Variants in PLCL1 observed in about 807,000 individuals in gnomAD.
PLCL1 encodes inactive phospholipase C-like protein 1.
A neutral mutation model predicts 84.4 loss-of-function variants in PLCL1; 41 were observed. The ratio of observed to expected loss-of-function variants is 0.49; its 90% confidence interval spans 0.38 to 0.63. The LOEUF (loss-of-function observed/expected upper bound fraction) is 0.63, where lower values mean the gene tolerates loss of function less well. PLCL1 is among the 30% of genes least tolerant of loss of function. The probability of loss-of-function intolerance (pLI) is 0.00; values close to 1 mark genes in which losing one functional copy is unlikely to be tolerated. For missense variants in PLCL1, 1,206 were observed against 1,367.8 expected (o/e 0.88, Z 1.87); for synonymous variants, 490 against 488.3 (o/e 1.00, Z -0.05).
chr2:198,044,720 GAA>G (rs1245804791), intron 1 of PLCL1, among the ~76,000 whole-genome samples: 1 of 152,100 alleles, frequency 6.6e-6, no homozygotes, highest in Non-Finnish European at 1.5e-5. Flanking sequence ...AAAATAGAAA[GAA>G]AATAAAAATT....
chr2:197,818,232 G>A (rs1038737496), intron 1 of PLCL1, among the ~76,000 whole-genome samples: 1 of 152,048 alleles, frequency 6.6e-6, no homozygotes, highest in African/African-American at 2.4e-5. Context: ...TGTGAGTGCT[G>A]GAATTAGCCA....
intron 1 of PLCL1, among the ~76,000 whole-genome samples, chr2:197,864,048 A>G (rs964502161): frequency 6.6e-6 from 1 of 152,204 alleles, no homozygotes; most frequent in Non-Finnish European, 1.5e-5. Flanking sequence ...TTTTTGAATG[A>G]CAGATTTAGC....
At chr2:197,983,635 C>T (rs973650820) in intron 1 of PLCL1, among the ~76,000 whole-genome samples, 13 of 152,052 alleles carry the variant, frequency 8.5e-5, no homozygotes, top group African/African-American at 2.9e-4. Flanking sequence ...ATTGCCAGAC[C>T]CTGTGCTAGG....
intron 1 of PLCL1, among the ~76,000 whole-genome samples, chr2:198,015,993 C>T (rs1690988944): frequency 6.6e-6 from 1 of 152,066 alleles, no homozygotes; most frequent in Non-Finnish European, 1.5e-5. Context: ...TGTTGGAAAA[C>T]ATTTTTGTAA....
intron 1 of PLCL1, among the ~76,000 whole-genome samples, chr2:197,970,871 C>G (rs1369688102): frequency 1.5e-4 from 23 of 152,228 alleles, no homozygotes; most frequent in Admixed American, 1.5e-3. Context: ...CCGTTCTCAA[C>G]ATGAAGTTTG....
At chr2:198,066,782 T>C (rs1692331212) in intron 1 of PLCL1, among the ~76,000 whole-genome samples, 1 of 152,146 alleles carries the variant, frequency 6.6e-6, no homozygotes, top group African/African-American at 2.4e-5. Context: ...CCGTGCTGTT[T>C]CTTCTGCATG....
rs922638088 is a variant in PLCL1, at chr2:198,055,335, G to A, written c.241-28423G>A. Among the ~76,000 whole-genome samples, 65 of 129,426 alleles carry A rather than the reference G, an allele frequency of 5.0e-4. 1 individual carries two copies. The highest frequency in any genetic ancestry group is 4.0e-3 in the Middle Eastern group (1 of 252). 84.9% of individuals were successfully genotyped at this position (129,426 alleles called of 152,430 possible). ...TCTCTCTCTCTCTCTCTCTCTGTGT[G>A]TGTGTGTGTCTGTGTATGAGAGAGA... On this transcript the variant is annotated intron_variant, in intron 1 of 5. Transcript: ENST00000428675.
chr2:198,033,105 T>A lies in PLCL1; in HGVS notation c.241-50653T>A, dbSNP rs140450849. 6.1e-4 allele frequency among the ~76,000 whole-genome samples: 93 copies of A among 152,332 alleles called. 3 individuals are homozygous for A. The South Asian group carries it at 0.013, about 22-fold the overall frequency. On this transcript the variant is annotated intron_variant, in intron 1 of 5. Transcript: ENST00000428675. ...TTATTGTAGAACAGGTAAAATGTGA[T>A]TCTTATAAATGGGAACAAAAGAATA...
rs201217234 is a variant in PLCL1 at position 198,125,942 on chromosome 2, C to T, written c.3106-20838C>T. On this transcript the variant is annotated intron_variant, in intron 5 of 5. Coordinates refer to ENST00000428675, the MANE Select transcript of PLCL1 (RefSeq NM_006226.4). ...ACAGACGTGTAAATTTTTGCTTTAG[C>T]GACACAACAGATACATGAAGTGTTC... Among the ~76,000 whole-genome samples, 32 of 152,198 alleles carry T rather than the reference C, an allele frequency of 2.1e-4. No homozygotes were observed. In the East Asian group the frequency reaches 3.5e-3, roughly 17 times the overall value.
At chr2:198,000,114 A>G (rs562212996) in intron 1 of PLCL1, among the ~76,000 whole-genome samples, 1 of 152,176 alleles carries the variant, frequency 6.6e-6, no homozygotes, top group Non-Finnish European at 1.5e-5. Flanking sequence ...TTTTTTGTAC[A>G]TCTATAGTGT....
chr2:197,971,301 G>C (rs550479786), intron 1 of PLCL1, among the ~76,000 whole-genome samples: 12 of 152,328 alleles, frequency 7.9e-5, no homozygotes, highest in African/African-American at 2.9e-4. Flanking sequence ...TGAGGAAGCA[G>C]TTCTTTGGAT....
chr2:198,003,382 G>GTGAAT (rs1690651490), intron 1 of PLCL1, among the ~76,000 whole-genome samples: 1 of 152,140 alleles, frequency 6.6e-6, no homozygotes, highest in Non-Finnish European at 1.5e-5. Flanking sequence ...GCACTTATGA[G>GTGAAT]CATATTAGTG....
At chr2:197,898,642 GCT>G (rs1439620166) in intron 1 of PLCL1, among the ~76,000 whole-genome samples, 1 of 150,590 alleles carries the variant, frequency 6.6e-6, no homozygotes, top group Non-Finnish European at 1.5e-5. Flanking sequence ...TTAACTTTGT[GCT>G]CTGTTCCTAG....
chr2:198,146,762 G>GT lies in PLCL1; in HGVS notation c.3106-11dup, dbSNP rs758386154. The GT allele has an allele frequency of 1.5e-5, 24 of 1,602,264 alleles. No individual in the cohort carries two copies. In the East Asian group the frequency reaches 2.0e-4, roughly 13 times the overall value. On this transcript the variant is annotated splice_polypyrimidine_tract_variant and intron_variant, in intron 5 of 5. Coordinates refer to ENST00000428675, the MANE Select transcript of PLCL1 (RefSeq NM_006226.4). ...CCCATAACTGTCTTCTTTGATGCCTGTTTTTTTCTGTTTGTAGGGCCAAGG... is the reference window on the plus strand; with the variant it reads ...CCCATAACTGTCTTCTTTGATGCCTGTTTTTTTTCTGTTTGTAGGGCCAAGG...
chr2:198,112,789 G>A (rs1034009530), intron 5 of PLCL1, among the ~76,000 whole-genome samples: 1 of 151,884 alleles, frequency 6.6e-6, no homozygotes, highest in Non-Finnish European at 1.5e-5. Context: ...TAGGGATGAA[G>A]CCAAAATTGA....
intron 1 of PLCL1, among the ~76,000 whole-genome samples, chr2:197,835,356 G>A (rs1691163437): frequency 6.6e-6 from 1 of 152,168 alleles, no homozygotes; most frequent in Non-Finnish European, 1.5e-5. Context: ...CCATTTTTAA[G>A]TAGATAGTTT....
intron 1 of PLCL1, among the ~76,000 whole-genome samples, chr2:197,975,300 A>C (rs1425759833): frequency 7.9e-5 from 12 of 151,932 alleles, no homozygotes; most frequent in African/African-American, 2.9e-4. Flanking sequence ...CATTTTAATG[A>C]TGAGGAAACA....
intron 1 of PLCL1, among the ~76,000 whole-genome samples, chr2:197,954,406 A>G (rs1030914662): frequency 1.3e-5 from 2 of 152,078 alleles, no homozygotes; most frequent in Non-Finnish European, 2.9e-5. Context: ...TAAAGACAGG[A>G]AGGCCTGCAG....
intron 1 of PLCL1, among the ~76,000 whole-genome samples, chr2:197,822,852 A>C (rs1690846715): frequency 6.6e-6 from 1 of 152,152 alleles, no homozygotes; most frequent in Admixed American, 6.6e-5. Context: ...TTCTGGAAAA[A>C]AATACATATT....
Sources: gnomAD v4.1 joint callset for allele counts (sites outside exome capture counted in the v4.1 genomes callset) on GRCh38, gnomAD v4.1.1 for gene constraint, MANE v1.5 for transcripts, NCBI Gene and HGNC (gene_info 2026-07-23, HGNC 2026-07-21) for gene names.